TTC21B: variants seen among roughly 807,000 people sequenced by gnomAD.
TTC21B encodes tetratricopeptide repeat domain 21B.
Under a neutral mutation model 175.1 loss-of-function variants are expected in TTC21B, and 127 were observed. The ratio of observed to expected loss-of-function variants is 0.73; its 90% CI spans 0.63 to 0.84. The LOEUF is 0.84. Ranked by LOEUF, TTC21B falls within the 40% of genes least tolerant of loss-of-function variation. The pLI is 0.00. For missense variants in TTC21B, 1,561 were observed against 1,558.3 expected (o/e 1.00, Z -0.03); for synonymous variants, 524 against 524.5 (o/e 1.00, Z 0.01).
intron 16 of TTC21B, 29 bp from the exon 17 acceptor site, chr2:165,912,653 A>C: frequency 6.4e-7 from 1 of 1,557,618 alleles, no homozygotes; most frequent in South Asian, 1.1e-5. Flanking sequence ...AAAAATAAGC[A>C]ATAAAAAATA....
In TTC21B at chr2:165,873,665, T is replaced by C. The variant is rs1408346798; in HGVS notation, c.*1090A>G. ...TGAAATTATACCTGCAGACCAAGTC[T>C]TCTAGGCTAAGGTTAAATATCCCTA... On this transcript the variant is annotated 3_prime_UTR_variant, in exon 29 of 29. Transcript: ENST00000243344. The C allele has an allele frequency of 6.6e-6, 1 of 152,290 alleles. No individual in the cohort carries two copies. The highest frequency in any genetic ancestry group is 1.9e-4 in the East Asian group (1 of 5,180). The allele number at this position is 152,290 out of a possible 1,614,324, so 9.4% of individuals were successfully genotyped here. A position where few individuals can be genotyped will look rare whatever the true frequency, so the allele number is the denominator to read the frequency against.
chr2:165,928,817 T>C, intron 11 of TTC21B: 1 of 330,066 alleles, frequency 3.0e-6, no homozygotes, highest in Non-Finnish European at 5.8e-6. Context: ...AGACATGGGA[T>C]AGACATTGAC....
In TTC21B at chr2:165,911,319, T is replaced by C. The variant is rs767103205; in HGVS notation, c.2461+8A>G. On this transcript the variant is annotated splice_region_variant and intron_variant, in intron 18 of 28. Coordinates refer to ENST00000243344, the MANE Select transcript of TTC21B (RefSeq NM_024753.5). ...CAGACTTTTTTCAAACCAGAAAGAC[T>C]TTCATACCAGGTTCATGAGCCAGAG... 3 of 1,613,778 alleles carry C rather than the reference T, an allele frequency of 1.9e-6. No homozygotes were observed. The highest frequency in any genetic ancestry group is 2.5e-6 in the Non-Finnish European group (3 of 1,179,842).
Position 165,894,629 on chromosome 2 carries a change from C to A in TTC21B, c.2951-3641G>T, listed in dbSNP as rs554132581. On this transcript the variant is annotated intron_variant, in intron 22 of 28. Coordinates refer to ENST00000243344, the MANE Select transcript of TTC21B (RefSeq NM_024753.5). The stretch of plus-strand genomic sequence containing the variant: ...TCACTCTGTCACCGAGGCTGGAGTG[C>A]AGTGGTGTGATCTTGGCTCACGGCA... 1.6e-3 allele frequency among the ~76,000 whole-genome samples: 246 copies of A among 152,262 alleles called. 1 individual carries two copies. The highest frequency in any genetic ancestry group is 5.6e-3 in the African/African-American group (232 of 41,542).
chr2:165,913,761 T>C, intron 15 of TTC21B, 115 bp from the exon 16 acceptor site: 2 of 822,906 alleles, frequency 2.4e-6, no homozygotes, highest in East Asian at 5.3e-5. Flanking sequence ...CTTCAGAGTA[T>C]CTCTATATAC....
At chr2:165,932,810 T>C (rs1203193178) in intron 7 of TTC21B, among the ~76,000 whole-genome samples, 163 bp downstream of exon 7, 2 of 152,166 alleles carry the variant, frequency 1.3e-5, no homozygotes, top group African/African-American at 2.4e-5. Flanking sequence ...AGCTGACCTC[T>C]TTGTTAAGGT....
intron 12 of TTC21B, among the ~76,000 whole-genome samples, chr2:165,922,445 T>C (rs981561569): frequency 2.7e-5 from 4 of 149,978 alleles, no homozygotes. Flanking sequence ...AAAGAAGATA[T>C]ACAAATGGCC....
chr2:165,928,497 G>A (rs1220180938), intron 11 of TTC21B, among the ~76,000 whole-genome samples: 1 of 152,120 alleles, frequency 6.6e-6, no homozygotes. Flanking sequence ...ACAAAATAAA[G>A]AATATCATCA....
intron 8 of TTC21B, 123 bp from the exon 9 acceptor site, chr2:165,930,487 T>C: frequency 4.7e-6 from 3 of 642,584 alleles, no homozygotes; most frequent in Non-Finnish European, 7.2e-6. Flanking sequence ...AAGAAAAAAA[T>C]TAATAATTAA....
intron 16 of TTC21B, among the ~76,000 whole-genome samples, chr2:165,913,201 T>A (rs1396838966): frequency 6.6e-6 from 1 of 152,098 alleles, no homozygotes; most frequent in Admixed American, 6.5e-5. Flanking sequence ...ATTTTTTGTA[T>A]TTTTTGTAGA....
chr2:165,915,435 TC>T lies in TTC21B; in HGVS notation c.1903del (p.Glu635ArgfsTer31). On this transcript the variant is annotated frameshift_variant, in exon 15 of 29. Coordinates refer to ENST00000243344, the MANE Select transcript of TTC21B (RefSeq NM_024753.5). LOFTEE classifies it high-confidence loss of function. ...DVHRLNGEQHEATKVLQDAIH... is the reference protein window; with the variant it reads ...DVHRLNGEQHXATKVLQDAIH... ...GGCATCTTGTAAAACTTTGGTTGCC[TC>T]ATGCTGTAAAGATGAAATTAAAATA... The T allele has an allele frequency of 1.2e-6, 2 of 1,611,282 alleles. No individual in the cohort carries two copies. Among genetic ancestry groups the T allele is most frequent in the Non-Finnish European group, 1.7e-6 (2 of 1,177,394 alleles).
intron 8 of TTC21B, 114 bp downstream of exon 8, chr2:165,931,644 T>A: frequency 1.2e-6 from 1 of 862,206 alleles, no homozygotes. Flanking sequence ...ATCATATATT[T>A]AAATACATAT....
chr2:165,906,608 C>A (rs1409257560), intron 19 of TTC21B, among the ~76,000 whole-genome samples: 20 of 151,950 alleles, frequency 1.3e-4, no homozygotes, highest in Non-Finnish European at 2.9e-5. Flanking sequence ...AACTTTCCTT[C>A]AAAGAGGTCT....
chr2:165,901,049 A>G (rs1356370273), intron 20 of TTC21B, among the ~76,000 whole-genome samples: 1 of 151,612 alleles, frequency 6.6e-6, no homozygotes, highest in Non-Finnish European at 1.5e-5. Context: ...CTACAGGTAT[A>G]TGCCACCATG....
intron 27 of TTC21B, among the ~76,000 whole-genome samples, chr2:165,877,715 GTATA>G (rs963493750): frequency 3.3e-5 from 5 of 152,044 alleles, no homozygotes; most frequent in African/African-American, 9.7e-5. Context: ...ATATGTGTGT[GTATA>G]TATATGTATG....
chr2:165,915,424 C>T lies in TTC21B; in HGVS notation c.1915G>A (p.Val639Ile), dbSNP rs1686131661. Residue 639 changes from valine (V) to isoleucine (I), a missense_variant, in exon 15 of 29, where the codon GTT becomes ATT. By Grantham distance (29) the Val-to-Ile change is conservative. Coordinates refer to ENST00000243344, the MANE Select transcript of TTC21B (RefSeq NM_024753.5). ...LNGEQHEATK[V>I]LQDAIHEFSG... ...AATTCATGGATGGCATCTTGTAAAA[C>T]TTTGGTTGCCTCATGCTGTAAAGAT... 1 of 1,613,898 alleles carries T rather than the reference C, an allele frequency of 6.2e-7. No homozygotes were observed. The highest frequency in any genetic ancestry group is 1.3e-5 in the African/African-American group (1 of 75,038).
At position 165,891,468 on chromosome 2, in the gene TTC21B, C is replaced by T. The variant is rs1982056; in HGVS notation, c.2951-480G>A. ...AATAAGAAATTTTTCTCCAGTCTCTCTTTGATATGTACATGTAGCTAACAT... is the reference window on the plus strand; with the variant it reads ...AATAAGAAATTTTTCTCCAGTCTCTTTTTGATATGTACATGTAGCTAACAT... On this transcript the variant is annotated intron_variant, in intron 22 of 28. Coordinates refer to ENST00000243344, the MANE Select transcript of TTC21B (RefSeq NM_024753.5). Among the ~76,000 whole-genome samples, 922 of 152,230 alleles carry T rather than the reference C, an allele frequency of 6.1e-3. 8 individuals carry two copies. Among genetic ancestry groups the T allele is most frequent in the South Asian group, 0.019 (91 of 4,820 alleles).
intron 19 of TTC21B, among the ~76,000 whole-genome samples, chr2:165,903,436 C>G (rs1685630331): frequency 6.6e-6 from 1 of 152,098 alleles, no homozygotes; most frequent in Admixed American, 6.6e-5. Context: ...ACATTTTATC[C>G]TAGAGCCCAT....
At chr2:165,913,453 C>T (rs1686033643) in intron 16 of TTC21B, 121 bp downstream of exon 16, 1 of 685,452 alleles carries the variant, frequency 1.5e-6, no homozygotes, top group Non-Finnish European at 2.5e-6. Context: ...CTCCCTTTTA[C>T]TGTGATGGCT....
Sources: allele counts gnomAD v4.1 joint callset (sites outside exome capture counted in the v4.1 genomes callset), GRCh38; gene constraint gnomAD v4.1.1; transcripts MANE v1.5; gene names NCBI Gene and HGNC (gene_info 2026-07-23, HGNC 2026-07-21).